The following WNT10A variants were observed in gnomAD, a reference collection of about 807,000 sequenced individuals.
WNT10A encodes the protein protein Wnt-10a.
WNT10A carries 37 observed loss-of-function variants against 36.1 expected under a neutral mutation model. That is an observed-to-expected ratio of 1.02 (90% CI 0.79 to 1.35). The LOEUF (loss-of-function observed/expected upper bound fraction) is 1.35. WNT10A is among the 40% of genes most tolerant of loss of function. The probability of loss-of-function intolerance (pLI) is 0.00; values close to 1 mark genes in which losing one functional copy is unlikely to be tolerated. For synonymous variants in WNT10A, 255 were observed against 254.1 expected, an observed-to-expected ratio of 1.00 and a Z score of -0.03; for missense variants, 613 against 601.4, an observed-to-expected ratio of 1.02 and a Z score of -0.20.
upstream of WNT10A, among the ~76,000 whole-genome samples, chr2:218,878,387 C>G (rs561003120): frequency 6.6e-6 from 1 of 152,158 alleles, no homozygotes; most frequent in Admixed American, 6.5e-5. The surrounding 1 kb of genome is among the most constrained non-coding windows in gnomAD (Gnocchi z 4.1). Flanking sequence ...TATTTGCCTC[C>G]GGAGGCTTTT....
Position 218,893,076 on chromosome 2 carries a change from C to T in WNT10A, c.1059C>T (p.Asp353=). The change falls in exon 4 of 4, where the codon GAC becomes GAT. Residue 353 remains aspartate, a synonymous_variant. Coordinates refer to ENST00000258411, the MANE Select transcript of WNT10A (RefSeq NM_025216.3). The surrounding 1 kb of genome is among the most constrained non-coding windows in gnomAD (Gnocchi z 6.3). ...TCTGCGAGCGCGAGCCGCGCCTGGA[C>T]TCGGCGGGCACCGTGGGCCGCCTGT... is the stretch of plus-strand genomic sequence containing the variant. ...PDFCEREPRL[D]SAGTVGRLCN... is the part of the protein sequence containing the mutation. The T allele has an allele frequency of 6.3e-7, 1 of 1,596,712 alleles. No individual in the cohort carries two copies. The highest frequency in any genetic ancestry group is 1.3e-5 in the African/African-American group (1 of 75,000).
chr2:218,890,956 A>T (rs892244376), intron 3 of WNT10A, among the ~76,000 whole-genome samples: 1 of 152,212 alleles, frequency 6.6e-6, no homozygotes, highest in Non-Finnish European at 1.5e-5. Context: ...AATAAATTAA[A>T]TACATACACA....
Position 218,881,107 on chromosome 2 carries a change from A to T in WNT10A, c.112A>T (p.Arg38Trp), listed in dbSNP as rs762998852. The change falls in exon 1 of 4, where the codon AGG becomes TGG. Residue 38 changes from arginine (R) to tryptophan (W), a missense_variant and splice_region_variant. Transcript: ENST00000258411. ...FLLLLAAAMPRSAPNDILDLR... is the reference protein window; with the variant it reads ...FLLLLAAAMPWSAPNDILDLR... ...ACTGCTGCTGGCTGCTGCCATGCCC[A>T]GGTGAGCCCTCACCTCATGCTCCGC... 3.1e-6 allele frequency: 5 copies of T among 1,593,126 alleles called. No homozygotes were observed. Among genetic ancestry groups the T allele is most frequent in the South Asian group, 2.3e-5 (2 of 87,886 alleles).
chr2:218,882,727 C>G (rs532365039), intron 2 of WNT10A, among the ~76,000 whole-genome samples: 18 of 152,340 alleles, frequency 1.2e-4, no homozygotes, highest in Non-Finnish European at 1.5e-5. Flanking sequence ...CAGGAAATAT[C>G]TGTACCTGTC....
intron 2 of WNT10A, among the ~76,000 whole-genome samples, chr2:218,886,651 C>T: frequency 7.1e-6 from 1 of 140,602 alleles, no homozygotes; most frequent in East Asian, 2.5e-4. Context: ...CCGCTGCCTC[C>T]CTGCTCCGGG....
At chr2:218,876,492 A>T (rs1308132009), upstream of WNT10A, among the ~76,000 whole-genome samples, 1 of 152,074 alleles carries the variant, frequency 6.6e-6, no homozygotes, top group Admixed American at 6.5e-5. Context: ...CTGCAGTGGG[A>T]AGGTTGAGGC....
At chr2:218,878,175 TA>T (rs928876383), upstream of WNT10A, among the ~76,000 whole-genome samples, 33 of 152,094 alleles carry the variant, frequency 2.2e-4, no homozygotes, top group African/African-American at 7.0e-4. The surrounding 1 kb of genome is among the most constrained non-coding windows in gnomAD (Gnocchi z 4.1). Flanking sequence ...GGGGTGCTGA[TA>T]GGGGCTTGGC....
intron 1 of WNT10A, 84 bp from the exon 2 acceptor site, chr2:218,882,077 C>A: frequency 6.5e-7 from 1 of 1,531,984 alleles, no homozygotes; most frequent in Non-Finnish European, 8.9e-7. Context: ...GTGATTATGG[C>A]CGTTGGGACA....
upstream of WNT10A, chr2:218,880,293 C>G (rs1944493932): frequency 6.6e-6 from 1 of 152,574 alleles, no homozygotes; most frequent in Middle Eastern, 3.4e-3. The surrounding 1 kb of genome is among the most constrained non-coding windows in gnomAD (Gnocchi z 7.7). Context: ...CCACACAACC[C>G]AGCGCGCTCC....
At chr2:218,875,512 T>C in the WNT10A span, among the ~76,000 whole-genome samples, 1 of 152,132 alleles carries the variant, frequency 6.6e-6, no homozygotes, top group Non-Finnish European at 1.5e-5. Flanking sequence ...CAAAGGAAAG[T>C]GTACCAAACT....
At chr2:218,885,475 G>A (rs1944567408) in intron 2 of WNT10A, among the ~76,000 whole-genome samples, 1 of 152,212 alleles carries the variant, frequency 6.6e-6, no homozygotes, top group African/African-American at 2.4e-5. Flanking sequence ...TGGGAGCTGG[G>A]CTCAGCACTG....
upstream of WNT10A, among the ~76,000 whole-genome samples, chr2:218,876,418 T>C (rs1944454129): frequency 6.6e-6 from 1 of 152,180 alleles, no homozygotes; most frequent in Non-Finnish European, 1.5e-5. Flanking sequence ...GCAATGCCCC[T>C]GCATTCACTC....
chr2:218,875,355 CG>C, the WNT10A span, among the ~76,000 whole-genome samples: 1 of 151,130 alleles, frequency 6.6e-6, no homozygotes, highest in African/African-American at 2.4e-5. Context: ...CACTTGGATA[CG>C]TTTTTTTGTA....
intron 3 of WNT10A, 126 bp downstream of exon 3, chr2:218,890,489 A>C: frequency 7.3e-7 from 1 of 1,374,694 alleles, no homozygotes; most frequent in Admixed American, 1.9e-5. Context: ...CTTCTCGTTG[A>C]CCCTGTCTAA....
In WNT10A at chr2:218,892,943, A is replaced by G. The variant is rs1461989045; in HGVS notation, c.926A>G (p.Gln309Arg). The part of the protein sequence containing the change: ...LIRPHNRNGG[Q>R]LEPGPAGAPS... The stretch of plus-strand genomic sequence containing the variant: ...CGGCCGCACAACCGCAACGGCGGCC[A>G]GCTGGAGCCGGGCCCAGCGGGGGCA... Residue 309 changes from glutamine to arginine, a missense_variant, in exon 4 of 4, where the codon CAG (glutamine) becomes CGG (arginine). Physicochemically the swap from Gln to Arg is conservative, Grantham distance 43. Transcript: ENST00000258411. 12 of 1,466,820 alleles carry G rather than the reference A, an allele frequency of 8.2e-6. No homozygotes were observed. In the East Asian group the frequency reaches 3.2e-4, roughly 39 times the overall value. The allele number at this position is 1,466,820 out of a possible 1,614,324, so 90.9% of individuals were successfully genotyped here. A position where few individuals can be genotyped will look rare whatever the true frequency, so the allele number is the denominator to read the frequency against.
the WNT10A span, chr2:218,874,280 G>A: frequency 2.2e-4 from 37 of 167,280 alleles, no homozygotes; most frequent in African/African-American, 5.9e-4. Context: ...AGGCTGCCAG[G>A]CTCCAGAAGA....
At chr2:218,892,643 G>A (rs1438030478) in intron 3 of WNT10A, 131 bp from the exon 4 acceptor site, 36 of 1,420,466 alleles carry the variant, frequency 2.5e-5, no homozygotes, top group Non-Finnish European at 3.4e-5. Context: ...CCTGGTTGTG[G>A]GACCCTCGCT....
chr2:218,880,724 G>T (rs553477042), upstream of WNT10A: 16 of 403,766 alleles, frequency 4.0e-5, no homozygotes, highest in African/African-American at 2.1e-4. The surrounding 1 kb of genome is among the most constrained non-coding windows in gnomAD (Gnocchi z 7.7). Context: ...GAGTTGTCGC[G>T]GGGGGGCCTC....
At chr2:218,880,077 G>C (rs1305799100), upstream of WNT10A, among the ~76,000 whole-genome samples, 1 of 152,190 alleles carries the variant, frequency 6.6e-6, no homozygotes, top group Non-Finnish European at 1.5e-5. The surrounding 1 kb of genome is among the most constrained non-coding windows in gnomAD (Gnocchi z 7.7). Flanking sequence ...AGAAACCAGA[G>C]GCTGCCAAAC....
Sources: allele counts gnomAD v4.1 joint callset (sites outside exome capture counted in the v4.1 genomes callset), GRCh38; gene constraint gnomAD v4.1.1; non-coding constraint Gnocchi (gnomAD v3.1); transcripts MANE v1.5; gene names NCBI Gene and HGNC (gene_info 2026-07-23, HGNC 2026-07-21).